Variants in CACNA2D1 observed in about 807,000 individuals in gnomAD.
CACNA2D1 encodes calcium voltage-gated channel auxiliary subunit alpha2delta 1, also known as voltage-dependent calcium channel subunit alpha-2/delta-1.
Under a neutral mutation model 171.5 loss-of-function variants are expected in CACNA2D1, and 53 were observed. The ratio of observed to expected loss-of-function variants is 0.31; its 90% CI spans 0.25 to 0.39. The LOEUF (loss-of-function observed/expected upper bound fraction) is 0.39. CACNA2D1 is among the 10% of genes least tolerant of loss of function. The pLI is 1.00. For synonymous variants in CACNA2D1, 442 were observed against 443.1 expected (o/e 1.00, Z 0.03); for missense variants, 903 against 1,299.8 (o/e 0.69, Z 4.69).
Position 81,946,983 on chromosome 7 carries a change from T to G in CACNA2D1, c.*3409A>C, listed in dbSNP as rs1165959847. ...GTTTAGATGAAAAAATATTTAAAAT[T>G]TTGGGCAAGTGAAATAGTTATTTCA... On this transcript the variant is annotated 3_prime_UTR_variant, in exon 39 of 39. Coordinates refer to ENST00000356860, the MANE Select transcript of CACNA2D1 (RefSeq NM_000722.4). The G allele has an allele frequency of 6.6e-6, 1 of 152,048 alleles. No individual in the cohort carries two copies. The highest frequency in any genetic ancestry group is 1.5e-5 in the Non-Finnish European group (1 of 67,970). 9.4% of individuals were successfully genotyped at this position (152,048 alleles called of 1,614,324 possible).
intron 18 of CACNA2D1, 82 bp downstream of exon 18, chr7:82,005,341 A>ATTTTAAAATTTG: frequency 1.1e-6 from 1 of 896,734 alleles, no homozygotes; most frequent in Non-Finnish European, 1.8e-6. Context: ...TATACGGTAA[A>ATTTTAAAATTTG]TTTTAAAACA....
intron 24 of CACNA2D1, among the ~76,000 whole-genome samples, chr7:81,977,717 AACAAAAGCCAAAATTG>A (rs1390334895): frequency 6.6e-6 from 1 of 152,202 alleles, no homozygotes; most frequent in Non-Finnish European, 1.5e-5. Flanking sequence ...AAGCAATGGC[AACAAAAGCCAAAATTG>A]ACAAATGGTA....
Position 82,095,505 on chromosome 7 carries a change from C to A in CACNA2D1, c.527-10605G>T, listed in dbSNP as rs545619689. Among the ~76,000 whole-genome samples, 3 of 152,232 alleles carry A rather than the reference C, an allele frequency of 2.0e-5. No individual in the cohort carries two copies. In the South Asian group the frequency reaches 6.2e-4, roughly 32 times the overall value. ...GCACAGTTGTACCACCTTGAGTAAACTATACAATTGCACAGACTTCTAGTT... is the reference window on the plus strand; with the variant it reads ...GCACAGTTGTACCACCTTGAGTAAAATATACAATTGCACAGACTTCTAGTT... On this transcript the variant is annotated intron_variant, in intron 6 of 38. Transcript: ENST00000356860.
At chr7:81,982,157 GTCTCAC>G (rs1349631441) in intron 24 of CACNA2D1, among the ~76,000 whole-genome samples, 7 of 135,304 alleles carry the variant, frequency 5.2e-5, no homozygotes, top group Non-Finnish European at 1.1e-4. Context: ...TTGAGATGGA[GTCTCAC>G]TCTGTCATGA....
chr7:82,179,374 A>G (rs552754825), intron 3 of CACNA2D1, among the ~76,000 whole-genome samples: 1 of 152,292 alleles, frequency 6.6e-6, no homozygotes, highest in South Asian at 2.1e-4. Context: ...CTAATACTAT[A>G]GTCCTGCTGA....
intron 34 of CACNA2D1, among the ~76,000 whole-genome samples, chr7:81,963,619 G>C (rs1370702726): frequency 6.6e-6 from 1 of 151,928 alleles, no homozygotes; most frequent in African/African-American, 2.4e-5. Flanking sequence ...ACTAGTCCTT[G>C]TATCAATAGT....
At chr7:82,017,385 T>G (rs1800629658) in intron 12 of CACNA2D1, among the ~76,000 whole-genome samples, 1 of 152,162 alleles carries the variant, frequency 6.6e-6, no homozygotes, top group Non-Finnish European at 1.5e-5. Flanking sequence ...AATTTTAACT[T>G]CACTGATTTC....
At chr7:82,179,027 C>T (rs1796840478) in intron 3 of CACNA2D1, among the ~76,000 whole-genome samples, 1 of 152,038 alleles carries the variant, frequency 6.6e-6, no homozygotes, top group Non-Finnish European at 1.5e-5. Context: ...AATACTTTGA[C>T]ATTCTGTGAC....
At chr7:82,391,851 A>C (rs137856952) in intron 1 of CACNA2D1, among the ~76,000 whole-genome samples, 1 of 152,334 alleles carries the variant, frequency 6.6e-6, no homozygotes, top group Admixed American at 6.5e-5. Context: ...ATTACTGTGG[A>C]TGTGTATGGT....
intron 10 of CACNA2D1, among the ~76,000 whole-genome samples, chr7:82,047,538 A>G (rs1265440619): frequency 1.3e-5 from 2 of 152,184 alleles, no homozygotes; most frequent in Non-Finnish European, 2.9e-5. Flanking sequence ...GACTGGCCAC[A>G]TAAGAACACA....
At chr7:82,100,573 G>C (rs1812555882) in intron 6 of CACNA2D1, among the ~76,000 whole-genome samples, 1 of 152,088 alleles carries the variant, frequency 6.6e-6, no homozygotes, top group South Asian at 2.1e-4. Context: ...TCAAAATACA[G>C]ACTATCAAAG....
intron 5 of CACNA2D1, among the ~76,000 whole-genome samples, chr7:82,131,387 A>G (rs1384586145): frequency 6.6e-6 from 1 of 152,104 alleles, no homozygotes; most frequent in Non-Finnish European, 1.5e-5. Context: ...GCTATAACCA[A>G]TCAAGCTGTT....
chr7:82,123,322 G>A (rs1789959747), intron 5 of CACNA2D1, among the ~76,000 whole-genome samples: 1 of 152,042 alleles, frequency 6.6e-6, no homozygotes, highest in Non-Finnish European at 1.5e-5. Flanking sequence ...TGGGAATACT[G>A]GATCAGATCA....
chr7:82,209,287 C>G (rs1800320961), intron 3 of CACNA2D1, among the ~76,000 whole-genome samples: 1 of 152,302 alleles, frequency 6.6e-6, no homozygotes, highest in Non-Finnish European at 1.5e-5. Context: ...AGCCGTCATA[C>G]ATCTATGTCC....
intron 18 of CACNA2D1, among the ~76,000 whole-genome samples, chr7:82,003,150 AATC>A (rs1798774737): frequency 6.6e-6 from 1 of 152,174 alleles, no homozygotes; most frequent in Admixed American, 6.5e-5. Flanking sequence ...CATAAATGGA[AATC>A]ATAATATTTA....
At chr7:81,956,470 A>G (rs181850840) in intron 38 of CACNA2D1, among the ~76,000 whole-genome samples, 13 of 152,188 alleles carry the variant, frequency 8.5e-5, no homozygotes, top group African/African-American at 2.7e-4. Context: ...TTCTTGTGTA[A>G]TGGTTGACTA....
chr7:82,061,439 A>C (rs1484433778), intron 9 of CACNA2D1, among the ~76,000 whole-genome samples: 1 of 152,142 alleles, frequency 6.6e-6, no homozygotes. Context: ...TCTCCTTCAC[A>C]TGCTAACAGG....
At chr7:82,077,859 T>C (rs1809191642) in intron 7 of CACNA2D1, among the ~76,000 whole-genome samples, 1 of 152,148 alleles carries the variant, frequency 6.6e-6, no homozygotes, top group Admixed American at 6.6e-5. Context: ...CATTTTCTTC[T>C]AGTTGGCTAA....
intron 5 of CACNA2D1, among the ~76,000 whole-genome samples, chr7:82,130,230 A>G (rs1342911296): frequency 7.1e-6 from 1 of 140,028 alleles, no homozygotes; most frequent in Non-Finnish European, 1.6e-5. Flanking sequence ...CTCTCTGGGA[A>G]CTTATACTCT....
Sources: allele counts gnomAD v4.1 joint callset (sites outside exome capture counted in the v4.1 genomes callset), GRCh38; gene constraint gnomAD v4.1.1; transcripts MANE v1.5; gene names NCBI Gene and HGNC (gene_info 2026-07-23, HGNC 2026-07-21).